The following HTT variants were observed in gnomAD, a reference collection of about 807,000 sequenced individuals.
HTT encodes huntington disease protein.
In HTT, 104 loss-of-function variants were observed where a neutral mutation model predicts 362.3. The ratio of observed to expected loss-of-function variants is 0.29; its 90% confidence interval spans 0.24 to 0.34. The LOEUF (loss-of-function observed/expected upper bound fraction) is 0.34. Ranked by LOEUF, HTT falls within the 10% of genes least tolerant of loss-of-function variation. HTT has a pLI of 1.00. For synonymous variants in HTT, 1,577 were observed against 1,548.7 expected (o/e 1.02, Z -0.43); for missense variants, 3,301 against 3,928.6 (o/e 0.84, Z 4.27).
At chr4:3,151,835 T>C (rs1476814737) in intron 26 of HTT, among the ~76,000 whole-genome samples, 3 of 152,236 alleles carry the variant, frequency 2.0e-5, no homozygotes, top group Non-Finnish European at 2.9e-5. Flanking sequence ...ATGCATACTT[T>C]ATATTCTCTG....
At chr4:3,101,941 A>G (rs1169643172) in intron 3 of HTT, among the ~76,000 whole-genome samples, 1 of 152,168 alleles carries the variant, frequency 6.6e-6, no homozygotes, top group African/African-American at 2.4e-5. Context: ...CTCTTGTCTC[A>G]AGGGGTGCCA....
chr4:3,145,121 G>A lies in HTT; in HGVS notation c.3067-31G>A, dbSNP rs368851620. On this transcript the variant is annotated intron_variant, in intron 23 of 66. Coordinates refer to ENST00000355072, the MANE Select transcript of HTT (RefSeq NM_001388492.1). ...AATTCAATAAACCTTTGTGGTGTTT[G>A]GGTGTGATTTTATTGTTTCTTTCTT... 3.4e-6 allele frequency: 5 copies of A among 1,490,574 alleles called. No individual in the cohort carries two copies. In the African/African-American group the frequency reaches 6.9e-5, roughly 21 times the overall value. The allele number at this position is 1,490,574 out of a possible 1,614,324, so 92.3% of individuals were successfully genotyped here.
chr4:3,234,664 G>A (rs1458638760), intron 61 of HTT, among the ~76,000 whole-genome samples: 1 of 152,232 alleles, frequency 6.6e-6, no homozygotes, highest in African/African-American at 2.4e-5. Flanking sequence ...ATGGTGCGTG[G>A]GGCTGACCTC....
intron 56 of HTT, among the ~76,000 whole-genome samples, chr4:3,225,181 G>T (rs554907512): frequency 6.6e-6 from 1 of 152,120 alleles, no homozygotes; most frequent in South Asian, 2.1e-4. Flanking sequence ...TTAAGTGGGG[G>T]CATTATCCTG....
chr4:3,135,957 A>C lies in HTT; in HGVS notation c.2687A>C (p.His896Pro). The change falls in exon 20 of 67, where the codon CAT becomes CCT. Residue 896 changes from histidine (H) to proline (P), a missense_variant. Around this residue, in one of 4 missense-constraint regions of HTT, gnomAD observed 2,316 missense variants for 2,658.5 expected, o/e 0.87. Coordinates refer to ENST00000355072, the MANE Select transcript of HTT (RefSeq NM_001388492.1). ...GAAAACTTACACAGAGGGGCTCATCATTATACAGGGGTAAGCGGTTTATTT... is the reference window on the plus strand; with the variant it reads ...GAAAACTTACACAGAGGGGCTCATCCTTATACAGGGGTAAGCGGTTTATTT... The part of the protein sequence containing the change: ...KAENLHRGAH[H>P]YTGLLKLQER... 6.2e-7 allele frequency: 1 copy of C among 1,603,790 alleles called. No individual in the cohort carries two copies. Among genetic ancestry groups the C allele is most frequent in the Non-Finnish European group, 8.5e-7 (1 of 1,176,328 alleles).
Position 3,228,962 on chromosome 4 carries a change from T to A in HTT, c.8062T>A (p.Ser2688Thr). The A allele has an allele frequency of 1.2e-6, 2 of 1,613,688 alleles. No individual in the cohort carries two copies. Among genetic ancestry groups the A allele is most frequent in the Non-Finnish European group, 1.7e-6 (2 of 1,179,764 alleles). Residue 2688 changes from serine (S) to threonine (T), a missense_variant, in exon 59 of 67, where the codon TCA becomes ACA. Physicochemically the swap from Ser to Thr is moderately conservative, Grantham distance 58. This residue lies in a region of HTT where 753 missense variants were observed against 1,021.3 expected (regional missense o/e 0.74). Transcript: ENST00000355072. The surrounding 1 kb of genome is among the most constrained non-coding windows in gnomAD (Gnocchi z 4.3). The stretch of plus-strand genomic sequence containing the variant: ...CAGCCGCTGGATCCTGCCGTCCAGC[T>A]CAGCCAGGAGGACCCCGGCCATCCT... ...LYSRWILPSS[S>T]ARRTPAILIS...
In HTT at chr4:3,154,386, T is replaced by C. The variant is rs762346343; in HGVS notation, c.3592T>C (p.Leu1198=). ...ACCAGGAGAACAAGCATCTGTACCG[T>C]TGAGTCCCAAGAAAGGCAGTGAGGC... The part of the protein sequence containing the change: ...KEPGEQASVP[L]SPKKGSEASA... The change falls in exon 27 of 67, where the codon TTG becomes CTG. Residue 1198 remains leucine, a synonymous_variant. Transcript: ENST00000355072. 1.9e-6 allele frequency: 3 copies of C among 1,613,964 alleles called. No homozygotes were observed. Among genetic ancestry groups the C allele is most frequent in the South Asian group, 1.1e-5 (1 of 91,048 alleles).
chr4:3,086,881 A>G (rs1713236975), intron 1 of HTT, 58 bp from the exon 2 acceptor site: 1 of 888,412 alleles, frequency 1.1e-6, no homozygotes, highest in South Asian at 1.4e-5. Flanking sequence ...TGAGGTGTAG[A>G]ACTAAGTGGA....
At chr4:3,107,836 A>G (rs1714515432) in intron 6 of HTT, among the ~76,000 whole-genome samples, 2 of 152,194 alleles carry the variant, frequency 1.3e-5, no homozygotes, top group South Asian at 4.1e-4. Flanking sequence ...TGTGCATTCC[A>G]ACAAATCATC....
At chr4:3,111,287 A>G (rs1714735337) in intron 6 of HTT, among the ~76,000 whole-genome samples, 1 of 149,018 alleles carries the variant, frequency 6.7e-6, no homozygotes, top group Non-Finnish European at 1.5e-5. Context: ...TCTGCCTCCC[A>G]GGTTCAAGCA....
At chr4:3,097,688 C>T (rs964369704) in intron 2 of HTT, among the ~76,000 whole-genome samples, 1 of 152,062 alleles carries the variant, frequency 6.6e-6, no homozygotes, top group South Asian at 2.1e-4. Flanking sequence ...AACTTTATGC[C>T]AATAAATTTG....
At chr4:3,185,545 A>G (rs1038856676) in intron 37 of HTT, among the ~76,000 whole-genome samples, 5 of 152,228 alleles carry the variant, frequency 3.3e-5, no homozygotes, top group East Asian at 3.8e-4. Context: ...GTCAGTGCCC[A>G]CCATCAATAA....
intron 40 of HTT, among the ~76,000 whole-genome samples, chr4:3,190,612 G>A (rs1170550314): frequency 6.6e-6 from 1 of 151,830 alleles, no homozygotes; most frequent in African/African-American, 2.4e-5. Flanking sequence ...AGTGGCATGA[G>A]CCTGAGCCCA....
chr4:3,134,923 A>G (rs773300982), intron 19 of HTT, among the ~76,000 whole-genome samples: 1 of 150,806 alleles, frequency 6.6e-6, no homozygotes. Flanking sequence ...GGGTCTTGCT[A>G]TGTTGCCCAG....
At chr4:3,195,448 C>T (rs1719203699) in intron 40 of HTT, among the ~76,000 whole-genome samples, 1 of 152,074 alleles carries the variant, frequency 6.6e-6, no homozygotes, top group South Asian at 2.1e-4. Flanking sequence ...CCATCGTGGT[C>T]TCCGGGCACT....
chr4:3,121,214 TTC>T lies in HTT; in HGVS notation c.1069-10_1069-9del, dbSNP rs1715280422. ...TAAACTCTGACCAGAACACCTGTGTTTCTCTGTTTCTAGGTTTATGAACTGAC... is the reference window on the plus strand; with the variant it reads ...TAAACTCTGACCAGAACACCTGTGTTTCTGTTTCTAGGTTTATGAACTGAC... On this transcript the variant is annotated splice_polypyrimidine_tract_variant and intron_variant, in intron 8 of 66. Coordinates refer to ENST00000355072, the MANE Select transcript of HTT (RefSeq NM_001388492.1). 6.2e-7 allele frequency: 1 copy of T among 1,602,014 alleles called. No homozygotes were observed. The highest frequency in any genetic ancestry group is 8.6e-7 in the Non-Finnish European group (1 of 1,169,004).
At chr4:3,235,452 C>G (rs1237676428) in intron 62 of HTT, 54 bp downstream of exon 62, 1 of 1,507,618 alleles carries the variant, frequency 6.6e-7, no homozygotes, top group Non-Finnish European at 9.2e-7. Context: ...CTTCCCTTCT[C>G]TTTTCCTTGC....
intron 1 of HTT, among the ~76,000 whole-genome samples, chr4:3,075,649 G>A (rs949250093): frequency 1.8e-5 from 1 of 55,278 alleles, no homozygotes; most frequent in Admixed American, 2.3e-4. Flanking sequence ...TGGCGGGGCA[G>A]GGGGGGGGCG....
In HTT at chr4:3,087,480, C is replaced by T. The variant is rs79923558; in HGVS notation, c.347+458C>T. Among the ~76,000 whole-genome samples the T allele has an allele frequency of 1.9e-4, 29 of 152,310 alleles. 1 individual carries two copies. The East Asian group carries it at 5.4e-3, about 28-fold the overall frequency. ...TCTGTGCTTCGGGATTAGTGGGGAT[C>T]GTGGGGCATTGACTGTAGGTCAGCT... On this transcript the variant is annotated intron_variant, in intron 2 of 66. Transcript: ENST00000355072.
Sources: gnomAD v4.1 joint callset for allele counts (sites outside exome capture counted in the v4.1 genomes callset) on GRCh38, gnomAD v4.1.1 for gene constraint, gnomAD v4.1.1 regional missense constraint, Gnocchi (gnomAD v3.1) non-coding constraint, MANE v1.5 for transcripts, NCBI Gene and HGNC (gene_info 2026-07-23, HGNC 2026-07-21) for gene names.